OXSR1: variants seen among roughly 807,000 people sequenced by gnomAD.
OXSR1 encodes the protein serine/threonine-protein kinase OSR1.
A neutral mutation model predicts 79.8 loss-of-function variants in OXSR1; 24 were observed. That is an observed-to-expected ratio of 0.30 (90% CI 0.22 to 0.42). The LOEUF is 0.42. Ranked by LOEUF, OXSR1 falls within the 10% of genes least tolerant of loss-of-function variation. The pLI, the probability that OXSR1 is intolerant of heterozygous loss-of-function variation, is 1.00. For synonymous variants in OXSR1, 226 were observed against 209.2 expected (o/e 1.08, Z -0.69); for missense variants, 430 against 618.4 (o/e 0.70, Z 3.23).
intron 5 of OXSR1, 83 bp downstream of exon 5, chr3:38,216,234 T>G: frequency 1.2e-6 from 1 of 867,252 alleles, no homozygotes; most frequent in East Asian, 2.6e-5. Flanking sequence ...TAATCAGCAT[T>G]CTCTCCTGTT....
At chr3:38,220,938 C>G (rs35834032) in intron 5 of OXSR1, among the ~76,000 whole-genome samples, 331 of 152,252 alleles carry the variant, frequency 2.2e-3, no homozygotes, top group Middle Eastern at 0.02. Context: ...GGGACAAAAT[C>G]TTTGTAGAGA....
At chr3:38,164,985 T>A (rs535392208), upstream of OXSR1, 1 of 152,346 alleles carries the variant, frequency 6.6e-6, no homozygotes, top group South Asian at 2.1e-4. Context: ...CCTCAGGGTT[T>A]CTCCACACCC....
At chr3:38,246,290 A>G (rs1703141684) in intron 13 of OXSR1, 69 bp downstream of exon 13, 5 of 1,438,760 alleles carry the variant, frequency 3.5e-6, no homozygotes, top group East Asian at 4.6e-5. Flanking sequence ...TTAACGTGGA[A>G]TATAACCTAA....
Position 38,244,670 on chromosome 3 carries a change from T to TGTGTGTGTGTGTGTGC in OXSR1, c.1111-1404_1111-1403insTGTGTGTGTGTGTGCG, listed in dbSNP as rs1491372358. Among the ~76,000 whole-genome samples the TGTGTGTGTGTGTGTGC allele has an allele frequency of 9.6e-4, 143 of 149,706 alleles. 2 individuals are homozygous for TGTGTGTGTGTGTGTGC. Among genetic ancestry groups the TGTGTGTGTGTGTGTGC allele is most frequent in the Middle Eastern group, 3.4e-3 (1 of 292 alleles). Reference sequence around the variant, plus strand: ...GTGTGTGTGTGTGTGTGTGTGTGCGTGCGCATGTACCACATTTTATTCATC... The same window carrying TGTGTGTGTGTGTGTGC: ...GTGTGTGTGTGTGTGTGTGTGTGCGTGTGTGTGTGTGTGTGCGCGCATGTACCACATTTTATTCATC... On this transcript the variant is annotated intron_variant, in intron 12 of 17. Coordinates refer to ENST00000311806, the MANE Select transcript of OXSR1 (RefSeq NM_005109.3).
At chr3:38,248,746 A>G (rs1435513669) in intron 14 of OXSR1, among the ~76,000 whole-genome samples, 1 of 152,182 alleles carries the variant, frequency 6.6e-6, no homozygotes, top group Non-Finnish European at 1.5e-5. Flanking sequence ...TACTTAGTAT[A>G]CCTGGTCTCA....
intron 4 of OXSR1, among the ~76,000 whole-genome samples, chr3:38,207,251 C>T (rs1702283929): frequency 6.6e-6 from 1 of 152,184 alleles, no homozygotes; most frequent in Non-Finnish European, 1.5e-5. Flanking sequence ...CTGTAGTTTG[C>T]CAATCTCTGA....
At chr3:38,223,410 G>A (rs1702627325) in intron 6 of OXSR1, among the ~76,000 whole-genome samples, 1 of 150,994 alleles carries the variant, frequency 6.6e-6, no homozygotes, top group Non-Finnish European at 1.5e-5. Flanking sequence ...GGGATTACAG[G>A]CAAGAGCCAC....
At chr3:38,176,052 TAA>T (rs1328425772) in intron 1 of OXSR1, among the ~76,000 whole-genome samples, 1 of 152,214 alleles carries the variant, frequency 6.6e-6, no homozygotes, top group African/African-American at 2.4e-5. Context: ...TTTTTTTTTC[TAA>T]AACATCCTAT....
In OXSR1 at chr3:38,182,993, T is replaced by C. The variant is rs2125808763; in HGVS notation, c.71-10T>C. 1.3e-6 allele frequency: 2 copies of C among 1,493,194 alleles called. No individual in the cohort carries two copies. Among genetic ancestry groups the C allele is most frequent in the Non-Finnish European group, 1.9e-6 (2 of 1,077,360 alleles). 92.5% of individuals were successfully genotyped at this position (1,493,194 alleles called of 1,614,324 possible). A position where few individuals can be genotyped will look rare whatever the true frequency, so the allele number is the denominator to read the frequency against. ...TCTACTTATTTACTCTTTTATGTAT[T>C]TGTTTTTAGGGAGTGGAGCAACTGC... On this transcript the variant is annotated splice_polypyrimidine_tract_variant and intron_variant, in intron 1 of 17. Coordinates refer to ENST00000311806, the MANE Select transcript of OXSR1 (RefSeq NM_005109.3).
chr3:38,175,627 G>A (rs1446747821), intron 1 of OXSR1, among the ~76,000 whole-genome samples: 2 of 152,182 alleles, frequency 1.3e-5, no homozygotes, highest in African/African-American at 2.4e-5. Flanking sequence ...AAATTTCTAA[G>A]TTTAGTAAAG....
intron 10 of OXSR1, among the ~76,000 whole-genome samples, chr3:38,234,781 G>A (rs1199630100): frequency 2.0e-5 from 3 of 152,248 alleles, no homozygotes; most frequent in African/African-American, 7.2e-5. Context: ...ACAAAAATGT[G>A]TACGCTGCTC....
chr3:38,242,144 C>T (rs1224157713), intron 11 of OXSR1, among the ~76,000 whole-genome samples: 6 of 152,096 alleles, frequency 3.9e-5, no homozygotes, highest in Non-Finnish European at 8.8e-5. Flanking sequence ...ATATTTGAGA[C>T]CTCACCTCAA....
At chr3:38,194,052 G>A (rs1289883705) in intron 3 of OXSR1, among the ~76,000 whole-genome samples, 1 of 152,108 alleles carries the variant, frequency 6.6e-6, no homozygotes, top group African/African-American at 2.4e-5. Context: ...AGGAAGATGT[G>A]TCAGGATTAT....
chr3:38,209,143 A>C (rs1483052025), intron 4 of OXSR1, among the ~76,000 whole-genome samples: 1 of 150,398 alleles, frequency 6.6e-6, no homozygotes, highest in Non-Finnish European at 1.5e-5. Flanking sequence ...TTGCTTTCCT[A>C]TTTGCTCAAG....
chr3:38,247,604 A>G (rs1011633593), intron 13 of OXSR1, 64 bp from the exon 14 acceptor site: 13 of 1,135,502 alleles, frequency 1.1e-5, no homozygotes, highest in African/African-American at 1.5e-5. Context: ...TCTGCCAGTG[A>G]CCATTAGTCA....
Position 38,224,557 on chromosome 3 carries a change from G to A in OXSR1, c.703-14G>A. ...AGTCATCACAAGTTTATAGTATATT[G>A]AAAATTCTTGCAGGTTTTAATGCTG... On this transcript the variant is annotated splice_polypyrimidine_tract_variant and intron_variant, in intron 7 of 17. Transcript: ENST00000311806. The A allele has an allele frequency of 2.5e-6, 4 of 1,573,970 alleles. No homozygotes were observed. The highest frequency in any genetic ancestry group is 3.4e-6 in the Non-Finnish European group (4 of 1,166,904).
chr3:38,209,824 C>A (rs1702349622), intron 4 of OXSR1, among the ~76,000 whole-genome samples: 1 of 151,848 alleles, frequency 6.6e-6, no homozygotes, highest in African/African-American at 2.4e-5. Context: ...GGGGTTTCAC[C>A]CGTTAGCCAG....
At chr3:38,242,287 C>A (rs374008699) in intron 11 of OXSR1, among the ~76,000 whole-genome samples, 2 of 152,118 alleles carry the variant, frequency 1.3e-5, no homozygotes, top group South Asian at 4.1e-4. Context: ...TCTTTACATG[C>A]AGCTTTCAGA....
rs77343012 is a variant in OXSR1, at chr3:38,177,943, C to T, written c.71-5060C>T. The stretch of plus-strand genomic sequence containing the variant: ...AATTTTGCATTATGTGAGTTTTGTG[C>T]CATTACTTGTTTGTTTGGTTTTTGA... On this transcript the variant is annotated intron_variant, in intron 1 of 17. Transcript: ENST00000311806. 3.9e-5 allele frequency among the ~76,000 whole-genome samples: 6 copies of T among 151,954 alleles called. No homozygotes were observed. The East Asian group carries it at 1.2e-3, about 29-fold the overall frequency.
Sources: allele counts gnomAD v4.1 joint callset (sites outside exome capture counted in the v4.1 genomes callset), GRCh38; gene constraint gnomAD v4.1.1; transcripts MANE v1.5; gene names NCBI Gene and HGNC (gene_info 2026-07-23, HGNC 2026-07-21).